The following SAMSN1 variants were observed in gnomAD, a reference collection of about 807,000 sequenced individuals.
SAMSN1 encodes the protein SAM domain-containing protein SAMSN-1.
A neutral mutation model predicts 42.0 loss-of-function variants in SAMSN1; 31 were observed. The observed-to-expected ratio is 0.74, with a 90% confidence interval of 0.55 to 1.00. The LOEUF is 1.00. Among genes scored for constraint, SAMSN1 ranks in the 50% least tolerant of loss-of-function variants. The pLI, the probability that SAMSN1 is intolerant of heterozygous loss-of-function variation, is 0.00. For synonymous variants in SAMSN1, 178 were observed against 151.9 expected (o/e 1.17, Z -1.26); for missense variants, 464 against 439.4 (o/e 1.06, Z -0.50).
intron 7 of SAMSN1, among the ~76,000 whole-genome samples, chr21:14,493,865 T>C (rs1986799418): frequency 6.6e-6 from 1 of 152,150 alleles, no homozygotes; most frequent in South Asian, 2.1e-4. Context: ...TCCAAATATC[T>C]ATGCTGGTCT....
chr21:14,556,746 T>A (rs985668366), intron 2 of SAMSN1, among the ~76,000 whole-genome samples: 2 of 152,156 alleles, frequency 1.3e-5, no homozygotes, highest in Non-Finnish European at 1.5e-5. Flanking sequence ...GTGTTATTTG[T>A]GGGAAGAGGA....
At chr21:14,603,918 T>C (rs1982502289) in intron 5 of SAMSN1, among the ~76,000 whole-genome samples, 1 of 152,190 alleles carries the variant, frequency 6.6e-6, no homozygotes, top group South Asian at 2.1e-4. Context: ...CTCATGTTTT[T>C]CAAGGATATA....
At chr21:14,494,716 A>T (rs1986840660) in intron 7 of SAMSN1, among the ~76,000 whole-genome samples, 1 of 152,194 alleles carries the variant, frequency 6.6e-6, no homozygotes, top group Non-Finnish European at 1.5e-5. Context: ...TACAAAAAAA[A>T]AAAAAAGTGT....
chr21:14,493,572 ACAACACACACACACACACACAC>A (rs1459576007), intron 7 of SAMSN1, among the ~76,000 whole-genome samples: 40 of 131,788 alleles, frequency 3.0e-4, no homozygotes, highest in Non-Finnish European at 5.0e-4. Flanking sequence ...TGTTTATGGA[ACAACACACACACACACACACAC>A]ACACACACAC....
chr21:14,570,526 G>T (rs1258221792), intron 2 of SAMSN1, among the ~76,000 whole-genome samples: 2 of 152,186 alleles, frequency 1.3e-5, no homozygotes, highest in African/African-American at 4.8e-5. Flanking sequence ...TCGTGTCATT[G>T]TATCACTTCT....
intron 2 of SAMSN1, among the ~76,000 whole-genome samples, chr21:14,518,950 C>G (rs2123026409): frequency 6.6e-6 from 1 of 152,252 alleles, no homozygotes; most frequent in African/African-American, 2.4e-5. Flanking sequence ...ACTTGTGTTA[C>G]TCTACCATTT....
At chr21:14,516,399 G>A (rs1339414457) in intron 3 of SAMSN1, among the ~76,000 whole-genome samples, 2 of 151,174 alleles carry the variant, frequency 1.3e-5, no homozygotes, top group African/African-American at 4.9e-5. Context: ...CTTTTTTTTT[G>A]TTTTGTTTTT....
chr21:14,645,590 C>T (rs1983698013), intron 1 of SAMSN1, among the ~76,000 whole-genome samples: 1 of 152,180 alleles, frequency 6.6e-6, no homozygotes, highest in African/African-American at 2.4e-5. Context: ...TACTTAACTC[C>T]TTAATGCCCA....
intron 2 of SAMSN1, among the ~76,000 whole-genome samples, chr21:14,556,188 A>C (rs1260346039): frequency 6.6e-6 from 1 of 152,206 alleles, no homozygotes; most frequent in Non-Finnish European, 1.5e-5. Context: ...AAGAGTGACC[A>C]GATTATTTTT....
chr21:14,530,317 A>AG (rs1555833454), intron 1 of SAMSN1, among the ~76,000 whole-genome samples: 2 of 68,034 alleles, frequency 2.9e-5, no homozygotes, highest in East Asian at 6.3e-4. Context: ...ACTCCGTCTC[A>AG]AAAAAAAAAA....
exon 7 of SAMSN1, chr21:14,594,048 A>G: frequency 1.4e-6 from 1 of 715,652 alleles, no homozygotes; most frequent in Non-Finnish European, 2.6e-6. Context: ...TGTCTTTGAT[A>G]GTGAAATGGA....
chr21:14,525,946 A>T (rs1978822307), intron 1 of SAMSN1, among the ~76,000 whole-genome samples: 2 of 151,944 alleles, frequency 1.3e-5, no homozygotes, highest in South Asian at 4.1e-4. Flanking sequence ...CTCACTGCAA[A>T]CTTCACCTCC....
chr21:14,652,510 C>G (rs1456249742), intron 1 of SAMSN1, among the ~76,000 whole-genome samples: 1 of 151,958 alleles, frequency 6.6e-6, no homozygotes, highest in Non-Finnish European at 1.5e-5. Flanking sequence ...AAATTAGGCC[C>G]CCATCTATCA....
rs547446430 is a variant in SAMSN1, at chr21:14,591,745, G to A, written c.465+2268C>T. 3.5e-4 allele frequency among the ~76,000 whole-genome samples: 53 copies of A among 152,268 alleles called. 2 individuals carry two copies. The highest frequency in any genetic ancestry group is 5.0e-4 in the Non-Finnish European group (34 of 68,020). On this transcript the variant is annotated intron_variant, in intron 7 of 15. Transcript: ENST00000647101. ...TAGGTTATCTAACAAAGCCATTTAT[G>A]TAATAGTCTTATTCCACTGTAAAAA...
intron 2 of SAMSN1, among the ~76,000 whole-genome samples, chr21:14,554,656 G>C (rs1363120552): frequency 3.3e-5 from 5 of 150,198 alleles, no homozygotes; most frequent in African/African-American, 1.2e-4. Context: ...GGGTGGGCTT[G>C]TCAGGTGATC....
chr21:14,518,564 G>A (rs1045019929), intron 2 of SAMSN1, among the ~76,000 whole-genome samples: 2 of 152,078 alleles, frequency 1.3e-5, no homozygotes, highest in Non-Finnish European at 2.9e-5. Flanking sequence ...TAGGTGGACA[G>A]GTAGTCATTC....
At chr21:14,604,754 G>A (rs547817972) in intron 5 of SAMSN1, among the ~76,000 whole-genome samples, 4 of 152,278 alleles carry the variant, frequency 2.6e-5, no homozygotes, top group South Asian at 2.1e-4. Flanking sequence ...TTGGCTGCCC[G>A]GCTGAGCCGG....
chr21:14,526,117 C>T (rs562056770), intron 1 of SAMSN1, among the ~76,000 whole-genome samples: 22 of 152,306 alleles, frequency 1.4e-4, no homozygotes, highest in Non-Finnish European at 3.2e-4. Flanking sequence ...ATTCGCCCGC[C>T]TTGGCCTCCC....
chr21:14,614,658 C>T (rs1982790479), intron 3 of SAMSN1, among the ~76,000 whole-genome samples: 1 of 152,096 alleles, frequency 6.6e-6, no homozygotes, highest in South Asian at 2.1e-4. Flanking sequence ...TATAAGGTTT[C>T]CTTTTTCTTA....
Sources: gnomAD v4.1 joint callset for allele counts (sites outside exome capture counted in the v4.1 genomes callset) on GRCh38, gnomAD v4.1.1 for gene constraint, MANE v1.5 for transcripts, NCBI Gene and HGNC (gene_info 2026-07-23, HGNC 2026-07-21) for gene names.